The following OSBPL9 variants were observed in gnomAD, a reference collection of about 807,000 sequenced individuals.
The protein encoded by OSBPL9 is oxysterol binding protein like 9.
OSBPL9 carries 40 observed loss-of-function variants against 106.6 expected under a neutral mutation model. The ratio of observed to expected loss-of-function variants is 0.38; its 90% CI spans 0.29 to 0.49. The LOEUF is 0.49. OSBPL9 is among the 20% of genes least tolerant of loss of function. The pLI, the probability that OSBPL9 is intolerant of heterozygous loss-of-function variation, is 0.97. For synonymous variants in OSBPL9, 269 were observed against 295.4 expected (o/e 0.91, Z 0.92); for missense variants, 609 against 887.2 (o/e 0.69, Z 3.98).
intron 4 of OSBPL9, among the ~76,000 whole-genome samples, chr1:51,719,516 TC>T (rs1384415275): frequency 5.3e-5 from 8 of 151,996 alleles, no homozygotes; most frequent in Admixed American, 3.3e-4. Context: ...AAGGGATTGA[TC>T]ATCACAAGAA....
At chr1:51,691,615 T>C (rs531999619) in intron 3 of OSBPL9, among the ~76,000 whole-genome samples, 1 of 152,232 alleles carries the variant, frequency 6.6e-6, no homozygotes, top group Admixed American at 6.5e-5. Flanking sequence ...TTTTACTGGA[T>C]AAGCTTTTTA....
At chr1:51,767,532 C>T (rs1571655422) in intron 12 of OSBPL9, among the ~76,000 whole-genome samples, 1 of 152,182 alleles carries the variant, frequency 6.6e-6, no homozygotes, top group Non-Finnish European at 1.5e-5. Flanking sequence ...TATACTGTTA[C>T]TATAGCTAGG....
intron 2 of OSBPL9, among the ~76,000 whole-genome samples, chr1:51,659,646 A>G (rs935859748): frequency 6.6e-6 from 1 of 151,986 alleles, no homozygotes; most frequent in South Asian, 2.1e-4. Context: ...GATTGGGAGG[A>G]AAAAAACGAA....
intron 2 of OSBPL9, among the ~76,000 whole-genome samples, chr1:51,656,782 G>A (rs1422999722): frequency 6.6e-6 from 1 of 151,492 alleles, no homozygotes; most frequent in Non-Finnish European, 1.5e-5. Flanking sequence ...GCCTCAACCT[G>A]CTGAGTAGCT....
At chr1:51,665,371 C>T (rs1446502698) in intron 2 of OSBPL9, among the ~76,000 whole-genome samples, 4 of 152,110 alleles carry the variant, frequency 2.6e-5, no homozygotes, top group Non-Finnish European at 5.9e-5. Context: ...CTTGAACTCC[C>T]GACCTCAGGT....
intron 1 of OSBPL9, among the ~76,000 whole-genome samples, chr1:51,596,560 C>CAAAA (rs1181151999): frequency 1.0e-4 from 3 of 28,760 alleles, no homozygotes; most frequent in East Asian, 2.0e-3. Context: ...ACTCTTGTCG[C>CAAAA]AAAAAAAAAA....
chr1:51,565,626 T>C, the OSBPL9 span: 1 of 152,238 alleles, frequency 6.6e-6, no homozygotes, highest in African/African-American at 2.4e-5. Flanking sequence ...ACAGCAGTTA[T>C]ATTCCTTGTG....
chr1:51,676,496 A>T (rs1297556853), intron 3 of OSBPL9, among the ~76,000 whole-genome samples: 1 of 151,950 alleles, frequency 6.6e-6, no homozygotes, highest in Admixed American at 6.6e-5. Context: ...GCAATTAAAA[A>T]ATTTGACGCT....
chr1:51,627,921 CTT>C (rs200063306), intron 1 of OSBPL9, among the ~76,000 whole-genome samples: 331 of 152,258 alleles, frequency 2.2e-3, no homozygotes, highest in Middle Eastern at 6.8e-3. Flanking sequence ...CGCTCTTAAT[CTT>C]AGCACTGTCT....
intron 15 of OSBPL9, among the ~76,000 whole-genome samples, chr1:51,780,175 C>G (rs181569872): frequency 6.7e-6 from 1 of 149,622 alleles, no homozygotes; most frequent in African/African-American, 2.5e-5. Flanking sequence ...GCAATAATAC[C>G]ACCTTACTCC....
intron 1 of OSBPL9, among the ~76,000 whole-genome samples, chr1:51,636,337 C>CTTT (rs879261964): frequency 1.4e-5 from 2 of 139,294 alleles, no homozygotes; most frequent in Non-Finnish European, 3.1e-5. Context: ...CCACTTCATT[C>CTTT]TTTTTTTTTT....
intron 1 of OSBPL9, among the ~76,000 whole-genome samples, chr1:51,641,001 C>T (rs984275419): frequency 2.0e-5 from 3 of 151,802 alleles, no homozygotes; most frequent in East Asian, 1.9e-4. Context: ...GTTGCCCAGG[C>T]TGGTCTCCAA....
chr1:51,692,113 C>T (rs1352899761), intron 3 of OSBPL9, among the ~76,000 whole-genome samples: 1 of 152,094 alleles, frequency 6.6e-6, no homozygotes, highest in Admixed American at 6.6e-5. Context: ...TTGAGATCAG[C>T]CTGGGCAACA....
At chr1:51,691,273 CTTTTTTTTTTT>C (rs1005953851) in intron 3 of OSBPL9, among the ~76,000 whole-genome samples, 1 of 108,930 alleles carries the variant, frequency 9.2e-6, no homozygotes, top group Non-Finnish European at 1.8e-5. Context: ...CTTGCTGTAA[CTTTTTTTTTTT>C]TTTTTTTTTT....
the OSBPL9 span, among the ~76,000 whole-genome samples, chr1:51,555,025 A>T: frequency 1.3e-5 from 2 of 152,210 alleles, no homozygotes; most frequent in Non-Finnish European, 2.9e-5. Flanking sequence ...CTGCTCTAGA[A>T]CAAAGTTAAT....
intron 16 of OSBPL9, among the ~76,000 whole-genome samples, chr1:51,782,257 G>A (rs755595506): frequency 1.3e-5 from 2 of 152,108 alleles, no homozygotes; most frequent in Non-Finnish European, 2.9e-5. Flanking sequence ...GATGCACTAC[G>A]TATAGTCCAT....
intron 4 of OSBPL9, among the ~76,000 whole-genome samples, chr1:51,734,826 C>CT (rs143965144): frequency 3.3e-5 from 5 of 152,112 alleles, no homozygotes; most frequent in African/African-American, 1.2e-4. Context: ...CCTTGGTCGC[C>CT]TTTCCCCCCC....
intron 2 of OSBPL9, among the ~76,000 whole-genome samples, chr1:51,660,361 A>G (rs1379405621): frequency 6.6e-6 from 1 of 152,190 alleles, no homozygotes; most frequent in Non-Finnish European, 1.5e-5. Flanking sequence ...AAGGGAAAAG[A>G]CAACTCATGG....
intron 4 of OSBPL9, among the ~76,000 whole-genome samples, chr1:51,739,516 A>G (rs555528010): frequency 1.3e-5 from 2 of 152,134 alleles, no homozygotes; most frequent in East Asian, 1.9e-4. Context: ...TGTTGACAAT[A>G]AAGAACCTAA....
Sources: allele counts gnomAD v4.1 joint callset (sites outside exome capture counted in the v4.1 genomes callset), GRCh38; gene constraint gnomAD v4.1.1; transcripts MANE v1.5; gene names NCBI Gene and HGNC (gene_info 2026-07-23, HGNC 2026-07-21).